CFAP46: variants seen among roughly 807,000 people sequenced by gnomAD.
CFAP46 encodes cilia and flagella associated protein 46, also known as cilia- and flagella-associated protein 46.
In CFAP46, 245 loss-of-function variants were observed where a neutral mutation model predicts 325.7. The observed-to-expected ratio is 0.75, with a 90% CI of 0.68 to 0.84. The LOEUF (loss-of-function observed/expected upper bound fraction) is 0.84. CFAP46 is among the 40% of genes least tolerant of loss of function. The pLI is 0.00. For synonymous variants in CFAP46, 1,523 were observed against 1,495.9 expected, an observed-to-expected ratio of 1.02 and a Z score of -0.42; for missense variants, 3,346 against 3,543.0, an observed-to-expected ratio of 0.94 and a Z score of 1.41.
rs924988664 is a variant in CFAP46, at chr10:132,832,760, C to T, written c.7117+598G>A. The stretch of plus-strand genomic sequence containing the variant: ...AATGTCATCACCCCCGAATCCCAGC[C>T]GAGGTCAGGGCCTTCCGCGCGCTCC... On this transcript the variant is annotated intron_variant, in intron 50 of 57. Transcript: ENST00000368586. This position sits in a 1 kb window ranked among gnomAD's most constrained non-coding sequence, Gnocchi z 4.1. 3.4e-5 allele frequency: 16 copies of T among 471,232 alleles called. No individual in the cohort carries two copies. The highest frequency in any genetic ancestry group is 1.0e-4 in the African/African-American group (5 of 50,038). The allele number at this position is 471,232 out of a possible 1,614,324, so 29.2% of individuals were successfully genotyped here. A position where few individuals can be genotyped will look rare whatever the true frequency, so the allele number is the denominator to read the frequency against.
intron 33 of CFAP46, 116 bp from the exon 34 acceptor site, chr10:132,867,623 G>A: frequency 1.1e-5 from 15 of 1,312,654 alleles, no homozygotes; most frequent in Non-Finnish European, 1.5e-5. Flanking sequence ...TCACGCGCGT[G>A]TTTACAAAGA....
At chr10:132,899,478 G>C in intron 23 of CFAP46, 57 bp downstream of exon 23, 1 of 1,487,086 alleles carries the variant, frequency 6.7e-7, no homozygotes. Flanking sequence ...GTGAGCACAG[G>C]GGTCCCGCAC....
chr10:132,897,299 G>A (rs1434305271), intron 24 of CFAP46, among the ~76,000 whole-genome samples: 1 of 152,196 alleles, frequency 6.6e-6, no homozygotes, highest in African/African-American at 2.4e-5. Flanking sequence ...CAAATGGCAT[G>A]ATCAAATGAG....
At position 132,869,262 on chromosome 10, in the gene CFAP46, G is replaced by A. The variant is rs1162701801; in HGVS notation, c.4610+12C>T. ...TCAAACCCCAGGCGGCGCAGGGTGG[G>A]ACGGCACACACCTGGCCTGCTCCAG... On this transcript the variant is annotated intron_variant, in intron 33 of 57. Coordinates refer to ENST00000368586, the MANE Select transcript of CFAP46 (RefSeq NM_001200049.3). The surrounding 1 kb of genome is among the most constrained non-coding windows in gnomAD (Gnocchi z 6.2). The A allele has an allele frequency of 6.6e-7, 1 of 1,520,054 alleles. No individual in the cohort carries two copies. Among genetic ancestry groups the A allele is most frequent in the Non-Finnish European group, 8.8e-7 (1 of 1,131,332 alleles). The allele number at this position is 1,520,054 out of a possible 1,614,324, so 94.2% of individuals were successfully genotyped here.
At chr10:132,861,337 G>A (rs1388548347) in intron 35 of CFAP46, among the ~76,000 whole-genome samples, 1 of 152,236 alleles carries the variant, frequency 6.6e-6, no homozygotes, top group Non-Finnish European at 1.5e-5. Context: ...GCTGACAAGT[G>A]GAATCGGCGT....
intron 24 of CFAP46, among the ~76,000 whole-genome samples, chr10:132,893,669 A>AC (rs1165720746): frequency 6.6e-6 from 1 of 151,936 alleles, no homozygotes; most frequent in Admixed American, 6.6e-5. Flanking sequence ...ACAGTGTGAG[A>AC]CCCCCAAGTC....
Position 132,869,186 on chromosome 10 carries a change from A to C in CFAP46, c.4610+88T>G. 9.1e-7 allele frequency: 1 copy of C among 1,096,638 alleles called. No individual in the cohort carries two copies. The highest frequency in any genetic ancestry group is 1.7e-5 in the South Asian group (1 of 59,332). 67.9% of individuals were successfully genotyped at this position (1,096,638 alleles called of 1,614,324 possible). A position where few individuals can be genotyped will look rare whatever the true frequency, so the allele number is the denominator to read the frequency against. On this transcript the variant is annotated intron_variant, in intron 33 of 57. Coordinates refer to ENST00000368586, the MANE Select transcript of CFAP46 (RefSeq NM_001200049.3). This position sits in a 1 kb window ranked among gnomAD's most constrained non-coding sequence, Gnocchi z 6.2. Reference sequence around the variant, plus strand: ...TCCCCAGAGGGGCAGGAGTCCAGGGAAGAGGGTGGCCGCGCAGCTGGCTTT... The same window carrying C: ...TCCCCAGAGGGGCAGGAGTCCAGGGCAGAGGGTGGCCGCGCAGCTGGCTTT...
chr10:132,812,974 C>T lies in CFAP46; in HGVS notation c.7389-77G>A, dbSNP rs188788935. 4 of 1,138,500 alleles carry T rather than the reference C, an allele frequency of 3.5e-6. No homozygotes were observed. The East Asian group carries it at 7.0e-5, about 20-fold the overall frequency. 70.5% of individuals were successfully genotyped at this position (1,138,500 alleles called of 1,614,324 possible). A position where few individuals can be genotyped will look rare whatever the true frequency, so the allele number is the denominator to read the frequency against. The stretch of plus-strand genomic sequence containing the variant: ...CCCCACCGTGCGTTCTTAAAGCAGG[C>T]CACATCCTGCGTGGTCCACGCCTGT... On this transcript the variant is annotated intron_variant, in intron 54 of 57. Coordinates refer to ENST00000368586, the MANE Select transcript of CFAP46 (RefSeq NM_001200049.3).
rs1031804447 is a variant in CFAP46 at position 132,937,615 on chromosome 10, G to A, written c.597C>T (p.Ser199=). The change falls in exon 6 of 58, where the codon TCC becomes TCT. Residue 199 remains serine, a synonymous_variant. Coordinates refer to ENST00000368586, the MANE Select transcript of CFAP46 (RefSeq NM_001200049.3). ...GRKEEAARFC[S]TAAPFIKSHV... is the part of the protein sequence containing the mutation. Reference sequence around the variant, plus strand: ...GAGACTTAATGAACGGAGCTGCCGTGGAGCAGAACCTGGCAGCCTCCTCCT... The same window carrying A: ...GAGACTTAATGAACGGAGCTGCCGTAGAGCAGAACCTGGCAGCCTCCTCCT... The A allele has an allele frequency of 1.2e-6, 2 of 1,613,466 alleles. No individual in the cohort carries two copies. Among genetic ancestry groups the A allele is most frequent in the African/African-American group, 1.3e-5 (1 of 75,060 alleles).
intron 25 of CFAP46, among the ~76,000 whole-genome samples, chr10:132,887,734 CCT>C (rs1291234539): frequency 1.9e-5 from 2 of 104,462 alleles, no homozygotes; most frequent in East Asian, 3.5e-4. Context: ...TCTCCTCTCC[CCT>C]CTTCTCTCTC....
intron 7 of CFAP46, among the ~76,000 whole-genome samples, chr10:132,936,046 CAT>C: frequency 4.6e-5 from 2 of 43,238 alleles, no homozygotes; most frequent in African/African-American, 2.4e-4. Flanking sequence ...ACTCCCCTCA[CAT>C]CCAAACACAC....
At chr10:132,888,727 ACCTGCCACCTTCACC>A (rs1366306946) in intron 25 of CFAP46, among the ~76,000 whole-genome samples, 128 of 45,612 alleles carry the variant, frequency 2.8e-3, no homozygotes, top group Middle Eastern at 0.016. Flanking sequence ...TGCCGCCTGC[ACCTGCCACCTTCACC>A]CCTGCCACCT....
In CFAP46 at chr10:132,885,896, T is replaced by A. The variant is rs1413409329; in HGVS notation, c.3368A>T (p.Asp1123Val). ...GAGGCCGCCCTCCCAGTCGTCCTGG[T>A]CGGCATGGCTGTGGAAGAGCAGGCC... is the stretch of plus-strand genomic sequence containing the variant. Reference protein sequence around the residue: ...LYGLLFHSHADQDDWEGGLKV... With the variant: ...LYGLLFHSHAVQDDWEGGLKV... The change falls in exon 26 of 58, where the codon GAC (aspartate) becomes GTC (valine). Residue 1123 changes from aspartate to valine, a missense_variant. Transcript: ENST00000368586. The A allele has an allele frequency of 1.7e-5, 27 of 1,549,890 alleles. No homozygotes were observed. In the East Asian group the frequency reaches 6.6e-4, roughly 38 times the overall value.
intron 50 of CFAP46, among the ~76,000 whole-genome samples, chr10:132,831,218 T>TTGTGTGTGTGTGTGTGTG (rs1318591175): frequency 7.3e-5 from 4 of 54,804 alleles, no homozygotes; most frequent in Non-Finnish European, 6.2e-5. Context: ...TTGTCAAATG[T>TTGTGTGTGTGTGTGTGTG]TCTGTGTGTG....
chr10:132,847,162 C>T lies in CFAP46; in HGVS notation c.6087+25G>A, dbSNP rs1411284972. ...GGCCAGGCTCCGGGCAGAGGCCACA[C>T]GAGGGGCAGGAGGGGCAGCCGCACC... On this transcript the variant is annotated intron_variant, in intron 42 of 57. Coordinates refer to ENST00000368586, the MANE Select transcript of CFAP46 (RefSeq NM_001200049.3). The surrounding 1 kb of genome is among the most constrained non-coding windows in gnomAD (Gnocchi z 5.2). 12 of 1,608,794 alleles carry T rather than the reference C, an allele frequency of 7.5e-6. No individual in the cohort carries two copies. Among genetic ancestry groups the T allele is most frequent in the Admixed American group, 3.3e-5 (2 of 59,880 alleles).
chr10:132,876,741 G>C lies in CFAP46; in HGVS notation c.4362+71C>G. 1 of 1,446,072 alleles carries C rather than the reference G, an allele frequency of 6.9e-7. No homozygotes were observed. The highest frequency in any genetic ancestry group is 9.2e-7 in the Non-Finnish European group (1 of 1,083,836). 89.6% of individuals were successfully genotyped at this position (1,446,072 alleles called of 1,614,324 possible). A position where few individuals can be genotyped will look rare whatever the true frequency, so the allele number is the denominator to read the frequency against. ...TGGCTACAGTTCACAGTGAAAACTG[G>C]ACTTGGGGACAGGTCAAGGGGACAC... On this transcript the variant is annotated intron_variant, in intron 31 of 57. Coordinates refer to ENST00000368586, the MANE Select transcript of CFAP46 (RefSeq NM_001200049.3). This position sits in a 1 kb window ranked among gnomAD's most constrained non-coding sequence, Gnocchi z 4.1.
At position 132,899,651 on chromosome 10, in the gene CFAP46, C is replaced by G. The variant is rs1849367415; in HGVS notation, c.2940G>C (p.Leu980=). The G allele has an allele frequency of 6.5e-7, 1 of 1,549,730 alleles. No homozygotes were observed. The part of the protein sequence containing the change: ...LKKFGPEESR[L]VAEMLCTATA... ...TGGCTGTGCACAGCATCTCTGCCAC[C>G]AGCCGGGACTCCTCGCTGCAGGAAC... is the stretch of plus-strand genomic sequence containing the variant. The change falls in exon 23 of 58, where the codon CTG becomes CTC. Residue 980 remains leucine (L), a synonymous_variant. Coordinates refer to ENST00000368586, the MANE Select transcript of CFAP46 (RefSeq NM_001200049.3).
chr10:132,833,484 C>T lies in CFAP46; in HGVS notation c.6991G>A (p.Ala2331Thr), dbSNP rs4880433. Reference protein sequence around the residue: ...PEVADKIVLVADRHLLELPLE... With the variant: ...PEVADKIVLVTDRHLLELPLE... Reference sequence around the variant, plus strand: ...GGCAGCTCCAGGAGATGTCTGTCTGCGACCAGGACTATCTTATCGGCAACC... The same window carrying T: ...GGCAGCTCCAGGAGATGTCTGTCTGTGACCAGGACTATCTTATCGGCAACC... The change falls in exon 50 of 58, where the codon GCA (alanine) becomes ACA (threonine). Residue 2331 changes from alanine (A) to threonine (T), a missense_variant. Physicochemically the swap from Ala to Thr is moderately conservative, Grantham distance 58. Transcript: ENST00000368586. 641,652 of 1,612,772 alleles carry T rather than the reference C, an allele frequency of 0.4. 131,945 individuals are homozygous for T. Among genetic ancestry groups the T allele is most frequent in the Admixed American group, 0.58 (34,627 of 59,986 alleles).
At chr10:132,811,781 C>T (rs1350428092) in intron 55 of CFAP46, among the ~76,000 whole-genome samples, 2 of 152,234 alleles carry the variant, frequency 1.3e-5, no homozygotes, top group Non-Finnish European at 2.9e-5. Flanking sequence ...GCTTCCAGCA[C>T]CTCTGATGGC....
Sources: gnomAD v4.1 joint callset for allele counts (sites outside exome capture counted in the v4.1 genomes callset) on GRCh38, gnomAD v4.1.1 for gene constraint, Gnocchi (gnomAD v3.1) non-coding constraint, MANE v1.5 for transcripts, NCBI Gene and HGNC (gene_info 2026-07-23, HGNC 2026-07-21) for gene names.